The following MMP16 variants were observed in gnomAD, a reference collection of about 807,000 sequenced individuals.
MMP16 encodes the protein matrix metalloproteinase-16.
A neutral mutation model predicts 67.8 loss-of-function variants in MMP16; 12 were observed. The ratio of observed to expected loss-of-function variants is 0.18; its 90% confidence interval spans 0.11 to 0.29. The LOEUF (loss-of-function observed/expected upper bound fraction) is 0.29. Ranked by LOEUF, MMP16 falls within the 10% of genes least tolerant of loss-of-function variation. MMP16 has a pLI of 1.00. For synonymous variants in MMP16, 249 were observed against 255.9 expected (o/e 0.97, Z 0.26); for missense variants, 475 against 765.7 (o/e 0.62, Z 4.48).
chr8:88,170,805 C>T (rs1586187541), intron 3 of MMP16, among the ~76,000 whole-genome samples: 1 of 152,130 alleles, frequency 6.6e-6, no homozygotes, highest in Admixed American at 6.6e-5. Context: ...AACCAGACTG[C>T]TCAGTGAGTT....
At chr8:88,304,604 G>A (rs1014467979) in intron 1 of MMP16, among the ~76,000 whole-genome samples, 2 of 152,164 alleles carry the variant, frequency 1.3e-5, no homozygotes, top group Admixed American at 6.5e-5. Context: ...GCCTCTTAGT[G>A]GAAACCCTAC....
At chr8:88,191,310 A>C (rs189707339) in intron 2 of MMP16, among the ~76,000 whole-genome samples, 1 of 152,310 alleles carries the variant, frequency 6.6e-6, no homozygotes, top group Admixed American at 6.5e-5. Flanking sequence ...AGATGATAAT[A>C]TTACCTCTAT....
chr8:88,257,030 G>A (rs999768945), intron 1 of MMP16, among the ~76,000 whole-genome samples: 1 of 152,146 alleles, frequency 6.6e-6, no homozygotes, highest in Non-Finnish European at 1.5e-5. Flanking sequence ...AGCCTCTAGT[G>A]TTTTAAATTC....
At chr8:88,264,702 T>A (rs1810446919) in intron 1 of MMP16, among the ~76,000 whole-genome samples, 4 of 152,134 alleles carry the variant, frequency 2.6e-5, no homozygotes. Context: ...ATGCTCAGAA[T>A]CCCCTGGGCC....
intron 1 of MMP16, among the ~76,000 whole-genome samples, chr8:88,201,168 AT>A (rs751545588): frequency 1.0e-3 from 142 of 137,596 alleles, no homozygotes; most frequent in Non-Finnish European, 1.7e-3. Context: ...AAAAAAAAAA[AT>A]GGAATAAGTG....
rs372618142 is a variant in MMP16, at chr8:88,275,547, G to A, written c.132+51528C>T. ...ATCTAATAAACTACATCATGGGGTG[G>A]CCTGTTATTAATATTCATAGTTACA... On this transcript the variant is annotated intron_variant, in intron 1 of 9. Transcript: ENST00000286614. Among the ~76,000 whole-genome samples, 19 of 151,704 alleles carry A rather than the reference G, an allele frequency of 1.3e-4. 2 individuals carry two copies. Among genetic ancestry groups the A allele is most frequent in the African/African-American group, 4.6e-4 (19 of 41,422 alleles).
chr8:88,194,748 A>T (rs1275074540), intron 2 of MMP16, among the ~76,000 whole-genome samples: 1 of 152,060 alleles, frequency 6.6e-6, no homozygotes, highest in Admixed American at 6.6e-5. Flanking sequence ...TCTAGAAATA[A>T]CTGCCAGGTG....
chr8:88,069,547 G>T, intron 7 of MMP16: 1 of 494,662 alleles, frequency 2.0e-6, no homozygotes, highest in Non-Finnish European at 4.0e-6. Context: ...TTTGTTTACT[G>T]TCCAGTATGA....
intron 1 of MMP16, among the ~76,000 whole-genome samples, chr8:88,289,109 AAGAGACAGAGAC>A (rs374680822): frequency 9.2e-5 from 14 of 152,004 alleles, no homozygotes; most frequent in Admixed American, 2.0e-4. Flanking sequence ...ACAGCCCAGA[AAGAGACAGAGAC>A]AGAGACAGAG....
In MMP16 at chr8:88,041,362, A is replaced by C; in HGVS notation, c.*99T>G. 2 of 1,279,498 alleles carry C rather than the reference A, an allele frequency of 1.6e-6. No homozygotes were observed. Among genetic ancestry groups the C allele is most frequent in the Non-Finnish European group, 2.2e-6 (2 of 915,364 alleles). 79.3% of individuals were successfully genotyped at this position (1,279,498 alleles called of 1,614,324 possible). The stretch of plus-strand genomic sequence containing the variant: ...GGTCAGCCCCGAATCAGGCTGCCAC[A>C]AGCCTGCTCCTAGCTAGGAAACAGC... On this transcript the variant is annotated 3_prime_UTR_variant, in exon 10 of 10. Coordinates refer to ENST00000286614, the MANE Select transcript of MMP16 (RefSeq NM_005941.5). The surrounding 1 kb of genome is among the most constrained non-coding windows in gnomAD (Gnocchi z 6.0).
chr8:88,201,169 T>A (rs897787351), intron 1 of MMP16, among the ~76,000 whole-genome samples: 3,935 of 95,854 alleles, frequency 0.041, 79 homozygotes, highest in Non-Finnish European at 0.061. Context: ...AAAAAAAAAA[T>A]GGAATAAGTG....
intron 4 of MMP16, among the ~76,000 whole-genome samples, chr8:88,131,895 A>G (rs1484289149): frequency 6.6e-6 from 1 of 151,894 alleles, no homozygotes; most frequent in African/African-American, 2.4e-5. Context: ...TGATCAAACA[A>G]CCTTGGATGG....
rs1808105427 is a variant in MMP16, at chr8:88,039,678, C to T, written c.*1783G>A. 1 of 152,638 alleles carries T rather than the reference C, an allele frequency of 6.6e-6. No homozygotes were observed. The highest frequency in any genetic ancestry group is 1.5e-5 in the Non-Finnish European group (1 of 68,056). The allele number at this position is 152,638 out of a possible 1,614,324, so 9.5% of individuals were successfully genotyped here. A position where few individuals can be genotyped will look rare whatever the true frequency, so the allele number is the denominator to read the frequency against. On this transcript the variant is annotated 3_prime_UTR_variant, in exon 10 of 10. Coordinates refer to ENST00000286614, the MANE Select transcript of MMP16 (RefSeq NM_005941.5). The surrounding 1 kb of genome is among the most constrained non-coding windows in gnomAD (Gnocchi z 4.5). The stretch of plus-strand genomic sequence containing the variant: ...CCTCAAAGCTGGCTTTCACACAAAG[C>T]CAATGTCTGACTCATGGGGTGCATT...
intron 2 of MMP16, among the ~76,000 whole-genome samples, chr8:88,187,954 G>A (rs549135928): frequency 6.6e-6 from 1 of 152,180 alleles, no homozygotes; most frequent in African/African-American, 2.4e-5. Context: ...ATTCTAAGAG[G>A]GTATCCAGCT....
intron 6 of MMP16, among the ~76,000 whole-genome samples, chr8:88,082,252 A>G (rs947961236): frequency 2.6e-5 from 4 of 152,108 alleles, no homozygotes; most frequent in African/African-American, 9.7e-5. Flanking sequence ...ATTTTGATAT[A>G]CCATACATTA....
intron 4 of MMP16, among the ~76,000 whole-genome samples, chr8:88,161,243 C>T (rs188635099): frequency 2.1e-3 from 313 of 152,274 alleles, no homozygotes; most frequent in Non-Finnish European, 3.5e-3. Flanking sequence ...CTGGTCTATT[C>T]AGAGATTCAA....
intron 1 of MMP16, among the ~76,000 whole-genome samples, chr8:88,323,251 T>C (rs1811487424): frequency 1.3e-5 from 2 of 152,194 alleles, no homozygotes; most frequent in Admixed American, 1.3e-4. Context: ...TAAAATATAA[T>C]TTTTATCTCT....
At chr8:88,228,277 A>C (rs1809802245) in intron 1 of MMP16, among the ~76,000 whole-genome samples, 1 of 152,088 alleles carries the variant, frequency 6.6e-6, no homozygotes, top group Admixed American at 6.6e-5. Context: ...TATTATAAGA[A>C]AATAATATGA....
At chr8:88,191,601 C>T (rs145315386) in intron 2 of MMP16, among the ~76,000 whole-genome samples, 213 of 152,246 alleles carry the variant, frequency 1.4e-3, no homozygotes, top group African/African-American at 5.0e-3. Flanking sequence ...AACAACTTCA[C>T]TGTCCCCTGT....
Sources: allele counts gnomAD v4.1 joint callset (sites outside exome capture counted in the v4.1 genomes callset), GRCh38; gene constraint gnomAD v4.1.1; non-coding constraint Gnocchi (gnomAD v3.1); transcripts MANE v1.5; gene names NCBI Gene and HGNC (gene_info 2026-07-23, HGNC 2026-07-21).